AP3S2: variants seen among roughly 807,000 people sequenced by gnomAD.
The protein encoded by AP3S2 is AP-3 complex subunit sigma-2.
Under a neutral mutation model 23.4 loss-of-function variants are expected in AP3S2, and 22 were observed. That is an observed-to-expected ratio of 0.94 (90% CI 0.67 to 1.34). AP3S2 has a LOEUF of 1.34. Ranked by LOEUF, AP3S2 falls within the 40% of genes most tolerant of loss-of-function variation. The pLI, the probability that AP3S2 is intolerant of heterozygous loss-of-function variation, is 0.00. For synonymous variants in AP3S2, 86 were observed against 87.1 expected (o/e 0.99, Z 0.07); for missense variants, 241 against 236.9 (o/e 1.02, Z -0.11).
chr15:89,846,972 C>G (rs1895509130), intron 4 of AP3S2, among the ~76,000 whole-genome samples: 1 of 152,172 alleles, frequency 6.6e-6, no homozygotes. Flanking sequence ...CGCCTGGCCT[C>G]ATTTTTTCTT....
intron 4 of AP3S2, chr15:89,849,035 T>C (rs188637093): frequency 1.2e-4 from 18 of 152,320 alleles, no homozygotes; most frequent in Non-Finnish European, 2.1e-4. Flanking sequence ...CTCATTCCCT[T>C]GCATCTCTTT....
At chr15:89,837,866 A>T in intron 4 of AP3S2, 144 bp from the exon 5 acceptor site, 6 of 879,058 alleles carry the variant, frequency 6.8e-6, no homozygotes, top group Admixed American at 2.6e-5. Context: ...CCCCCTGCCC[A>T]GTGACACAAC....
chr15:89,859,347 T>G (rs1895949870), intron 4 of AP3S2, among the ~76,000 whole-genome samples: 1 of 147,222 alleles, frequency 6.8e-6, no homozygotes, highest in South Asian at 2.2e-4. Context: ...TTTCCTTCCT[T>G]CCTTCTTTCC....
intron 3 of AP3S2, among the ~76,000 whole-genome samples, chr15:89,876,262 T>G (rs1274931803): frequency 6.6e-6 from 1 of 150,720 alleles, no homozygotes; most frequent in African/African-American, 2.4e-5. Flanking sequence ...CTACTAAAAA[T>G]GCAAAAATTA....
At chr15:89,843,339 TG>T (rs1026679169) in intron 4 of AP3S2, among the ~76,000 whole-genome samples, 10 of 151,510 alleles carry the variant, frequency 6.6e-5, no homozygotes, top group African/African-American at 1.9e-4. Flanking sequence ...AACAGGTGAC[TG>T]GAAAAACTAT....
intron 3 of AP3S2, among the ~76,000 whole-genome samples, chr15:89,885,239 GGC>G (rs1160439134): frequency 6.6e-6 from 1 of 151,584 alleles, no homozygotes; most frequent in Non-Finnish European, 1.5e-5. Context: ...CTATTGCCCA[GGC>G]TGGAGTGTAA....
chr15:89,883,072 A>C (rs1010416589), intron 3 of AP3S2, among the ~76,000 whole-genome samples: 1 of 152,202 alleles, frequency 6.6e-6, no homozygotes, highest in Non-Finnish European at 1.5e-5. Context: ...ATTGGAATCA[A>C]TGTCAAGTAT....
At chr15:89,881,675 G>A (rs1421617928) in intron 3 of AP3S2, among the ~76,000 whole-genome samples, 4 of 152,136 alleles carry the variant, frequency 2.6e-5, no homozygotes, top group African/African-American at 4.8e-5. Flanking sequence ...AAACCCACAC[G>A]TGGAAAAAGG....
At chr15:89,849,240 T>C (rs1468676868) in intron 4 of AP3S2, among the ~76,000 whole-genome samples, 2 of 152,234 alleles carry the variant, frequency 1.3e-5, no homozygotes, top group African/African-American at 4.8e-5. Context: ...TAAATCATTT[T>C]AACAGAAAAC....
intron 3 of AP3S2, chr15:89,877,355 G>C (rs1004923240): frequency 7.7e-7 from 1 of 1,297,972 alleles, no homozygotes; most frequent in Non-Finnish European, 1.0e-6. Context: ...TCAGGTCCTT[G>C]TTCCCAAAGA....
rs1283566536 is a variant in AP3S2 at position 89,888,585 on chromosome 15, G to T, written c.209C>A (p.Thr70Asn). 6 of 1,614,070 alleles carry T rather than the reference G, an allele frequency of 3.7e-6. No homozygotes were observed. Among genetic ancestry groups the T allele is most frequent in the Non-Finnish European group, 5.1e-6 (6 of 1,180,052 alleles). ...DYKLIYRHYA[T>N]LYFVFCVDSS... ...ATCCACACAAAATACAAAGTAGAGG[G>T]TAGCATAGTGCCGGTAGATCAGTTT... is the stretch of plus-strand genomic sequence containing the variant. Residue 70 changes from threonine to asparagine, a missense_variant, in exon 3 of 6, where the codon ACC becomes AAC. Physicochemically the swap from Thr to Asn is moderately conservative, Grantham distance 65. Coordinates refer to ENST00000336418, the MANE Select transcript of AP3S2 (RefSeq NM_005829.5).
chr15:89,847,835 G>C (rs1350576946), intron 4 of AP3S2, among the ~76,000 whole-genome samples: 1 of 152,112 alleles, frequency 6.6e-6, no homozygotes, highest in Non-Finnish European at 1.5e-5. Context: ...AGATTTTCAA[G>C]GCTAGCAGCT....
intron 3 of AP3S2, chr15:89,876,858 T>C (rs1896454628): frequency 6.0e-6 from 1 of 167,268 alleles, no homozygotes; most frequent in Non-Finnish European, 1.3e-5. Flanking sequence ...TGCTGCCCTG[T>C]TGGCATCAGG....
At chr15:89,870,939 C>A (rs181192018) in intron 4 of AP3S2, among the ~76,000 whole-genome samples, 2 of 152,336 alleles carry the variant, frequency 1.3e-5, no homozygotes, top group East Asian at 3.9e-4. Flanking sequence ...CAAAACAAAT[C>A]TGAGAACACC....
chr15:89,870,441 T>C (rs768322789), intron 4 of AP3S2, among the ~76,000 whole-genome samples: 37 of 152,280 alleles, frequency 2.4e-4, no homozygotes, highest in African/African-American at 5.3e-4. Context: ...AGGATGCTGA[T>C]AGAGTCACAG....
intron 3 of AP3S2, among the ~76,000 whole-genome samples, chr15:89,873,803 T>C (rs758081941): frequency 6.6e-6 from 1 of 151,934 alleles, no homozygotes; most frequent in Non-Finnish European, 1.5e-5. Flanking sequence ...AAGACATAAA[T>C]GGGTCTTATT....
intron 4 of AP3S2, chr15:89,845,364 C>T (rs948405223): frequency 6.6e-6 from 1 of 152,178 alleles, no homozygotes; most frequent in Non-Finnish European, 1.5e-5. Flanking sequence ...AATGGATGAG[C>T]GAACAGCTGC....
rs898265809 is a variant in AP3S2 at position 89,835,335 on chromosome 15, G to A, written c.*180C>T. Reference sequence around the variant, plus strand: ...GCACATGTGAGAACTGGGTGCACCCGAGCAGTGTCAATAGGAATCCCTTCC... The same window carrying A: ...GCACATGTGAGAACTGGGTGCACCCAAGCAGTGTCAATAGGAATCCCTTCC... On this transcript the variant is annotated 3_prime_UTR_variant, in exon 6 of 6. Coordinates refer to ENST00000336418, the MANE Select transcript of AP3S2 (RefSeq NM_005829.5). The A allele has an allele frequency of 3.8e-5, 41 of 1,065,068 alleles. No homozygotes were observed. The highest frequency in any genetic ancestry group is 1.9e-4 in the Admixed American group (7 of 37,170). 66.0% of individuals were successfully genotyped at this position (1,065,068 alleles called of 1,614,324 possible).
At chr15:89,842,984 CT>C (rs971545020) in intron 4 of AP3S2, among the ~76,000 whole-genome samples, 2 of 150,894 alleles carry the variant, frequency 1.3e-5, no homozygotes, top group African/African-American at 4.9e-5. Flanking sequence ...CCAGGTATTT[CT>C]TTTTTTCTTT....
Sources: gnomAD v4.1 joint callset for allele counts (sites outside exome capture counted in the v4.1 genomes callset) on GRCh38, gnomAD v4.1.1 for gene constraint, MANE v1.5 for transcripts, NCBI Gene and HGNC (gene_info 2026-07-23, HGNC 2026-07-21) for gene names.